The following SIRT1 variants were observed in gnomAD, a reference collection of about 807,000 sequenced individuals.
The protein encoded by SIRT1 is NAD-dependent protein deacetylase sirtuin-1.
Under a neutral mutation model 67.9 loss-of-function variants are expected in SIRT1, and 24 were observed. That is an observed-to-expected ratio of 0.35 (90% CI 0.26 to 0.50). SIRT1 has a LOEUF of 0.50. SIRT1 is among the 20% of genes least tolerant of loss of function. The pLI, the probability that SIRT1 is intolerant of heterozygous loss-of-function variation, is 0.98. For missense variants in SIRT1, 873 were observed against 937.2 expected (o/e 0.93, Z 0.89); for synonymous variants, 378 against 350.7 (o/e 1.08, Z -0.87).
In SIRT1 at chr10:67,916,350, C is replaced by T; in HGVS notation, c.2001C>T (p.Ser667=). 6.2e-7 allele frequency: 1 copy of T among 1,614,174 alleles called. No homozygotes were observed. Among genetic ancestry groups the T allele is most frequent in the Non-Finnish European group, 8.5e-7 (1 of 1,180,016 alleles). ...CAGACTCTGAAGATGACGTCTTATCCTCTAGTTCTTGTGGCAGTAACAGTG... is the reference window on the plus strand; with the variant it reads ...CAGACTCTGAAGATGACGTCTTATCTTCTAGTTCTTGTGGCAGTAACAGTG... ...VYSDSEDDVL[S]SSSCGSNSDS... is the part of the protein sequence containing the mutation. The change falls in exon 9 of 9, where the codon TCC becomes TCT. Residue 667 remains serine (S), a synonymous_variant. Coordinates refer to ENST00000212015, the MANE Select transcript of SIRT1 (RefSeq NM_012238.5).
intron 4 of SIRT1, among the ~76,000 whole-genome samples, chr10:67,895,741 TTTTTTTG>T (rs1232992325): frequency 0.027 from 2,497 of 91,760 alleles, 145 homozygotes; most frequent in African/African-American, 0.097. Flanking sequence ...TTGTTTTTTT[TTTTTTTG>T]TTTTTTTTTT....
In SIRT1 at chr10:67,892,970, G is replaced by A. The variant is rs142621644; in HGVS notation, c.942+1416G>A. ...GTATGTCTCACATTATGTACCTATT[G>A]TACAGCTCTGCTTTAGCATAGAAAG... On this transcript the variant is annotated intron_variant, in intron 4 of 8. Transcript: ENST00000212015. Among the ~76,000 whole-genome samples, 975 of 152,280 alleles carry A rather than the reference G, an allele frequency of 6.4e-3. 11 individuals are homozygous for A. Among genetic ancestry groups the A allele is most frequent in the African/African-American group, 0.022 (923 of 41,554 alleles).
At position 67,884,763 on chromosome 10, in the gene SIRT1, C is replaced by T. The variant is rs1163052650; in HGVS notation, c.42C>T (p.Ser14=). ...CCCTCGCCCTTCAGCCCGGCGGCTC[C>T]CCCTCGGCGGCGGGGGCCGACAGGG... ...EAALALQPGG[S]PSAAGADREA... is the part of the protein sequence containing the mutation. The change falls in exon 1 of 9, where the codon TCC becomes TCT. Residue 14 remains serine (S), a synonymous_variant. Transcript: ENST00000212015. The T allele has an allele frequency of 2.4e-6, 3 of 1,228,386 alleles. No individual in the cohort carries two copies. The Admixed American group carries it at 1.3e-4, about 52-fold the overall frequency. 76.1% of individuals were successfully genotyped at this position (1,228,386 alleles called of 1,614,324 possible). A position where few individuals can be genotyped will look rare whatever the true frequency, so the allele number is the denominator to read the frequency against.
At chr10:67,914,598 A>T (rs2029868951) in intron 8 of SIRT1, among the ~76,000 whole-genome samples, 1 of 152,248 alleles carries the variant, frequency 6.6e-6, no homozygotes, top group Admixed American at 6.5e-5. Flanking sequence ...CTACCTATGC[A>T]CTAAGACTTG....
intron 2 of SIRT1, 100 bp from the exon 3 acceptor site, chr10:67,888,780 TGC>T: frequency 1.5e-6 from 2 of 1,349,538 alleles, no homozygotes; most frequent in Non-Finnish European, 2.0e-6. Flanking sequence ...TTTCTTACTT[TGC>T]AAAAAACCCT....
intron 7 of SIRT1, among the ~76,000 whole-genome samples, chr10:67,910,006 C>T (rs908377373): frequency 6.6e-6 from 1 of 152,122 alleles, no homozygotes; most frequent in Non-Finnish European, 1.5e-5. Context: ...GCCTCCACAT[C>T]TGGCTGAACT....
At chr10:67,896,526 C>T (rs980698303) in intron 4 of SIRT1, among the ~76,000 whole-genome samples, 3 of 151,958 alleles carry the variant, frequency 2.0e-5, no homozygotes, top group Admixed American at 6.6e-5. Flanking sequence ...CCAGGTGCAG[C>T]GGCTCACACC....
intron 4 of SIRT1, among the ~76,000 whole-genome samples, chr10:67,900,418 T>G (rs1842723825): frequency 6.6e-6 from 1 of 152,142 alleles, no homozygotes; most frequent in Admixed American, 6.5e-5. Context: ...GTGCTGGGTT[T>G]ATAGGTGTGA....
At chr10:67,899,776 A>G (rs558526384) in intron 4 of SIRT1, among the ~76,000 whole-genome samples, 13 of 152,182 alleles carry the variant, frequency 8.5e-5, no homozygotes, top group African/African-American at 2.9e-4. Context: ...TTTTTAAGGC[A>G]GTTTAAAAAC....
At position 67,904,123 on chromosome 10, in the gene SIRT1, G is replaced by GTTTTTTTT. The variant is rs1262495636; in HGVS notation, c.943-2664_943-2663insTTTTTTTT. Reference sequence around the variant, plus strand: ...TATTTCAGATTTTTTAGTTTTTTTTGTTTGTTTTTTTTTTTTTTTTTTTTA... The same window carrying GTTTTTTTT: ...TATTTCAGATTTTTTAGTTTTTTTTGTTTTTTTTTTTGTTTTTTTTTTTTTTTTTTTTA... On this transcript the variant is annotated intron_variant, in intron 4 of 8. Coordinates refer to ENST00000212015, the MANE Select transcript of SIRT1 (RefSeq NM_012238.5). Among the ~76,000 whole-genome samples the GTTTTTTTT allele has an allele frequency of 3.4e-4, 39 of 115,384 alleles. 1 individual carries two copies. Among genetic ancestry groups the GTTTTTTTT allele is most frequent in the South Asian group, 5.5e-4 (2 of 3,636 alleles). 75.7% of individuals were successfully genotyped at this position (115,384 alleles called of 152,430 possible).
At chr10:67,886,769 C>G (rs1339774853) in intron 1 of SIRT1, among the ~76,000 whole-genome samples, 2 of 151,820 alleles carry the variant, frequency 1.3e-5, no homozygotes, top group East Asian at 3.9e-4. Flanking sequence ...ATTTGAATGA[C>G]GTTTTTATGT....
intron 1 of SIRT1, among the ~76,000 whole-genome samples, chr10:67,885,881 A>G (rs2131843590): frequency 6.6e-6 from 1 of 151,420 alleles, no homozygotes; most frequent in East Asian, 1.9e-4. Flanking sequence ...TGAGACACAA[A>G]CTTAACACTT....
Position 67,912,464 on chromosome 10 carries a change from C to T in SIRT1, c.1358-10C>T. ...CCTTTTTCTAACTCTTATTTTTCAC[C>T]CTATTTTAGGTTCCATACCCCATGA... On this transcript the variant is annotated splice_polypyrimidine_tract_variant and intron_variant, in intron 7 of 8. Coordinates refer to ENST00000212015, the MANE Select transcript of SIRT1 (RefSeq NM_012238.5). 6.4e-7 allele frequency: 1 copy of T among 1,574,022 alleles called. No homozygotes were observed. The highest frequency in any genetic ancestry group is 1.2e-5 in the South Asian group (1 of 84,376).
chr10:67,889,261 G>A (rs1293945102), intron 3 of SIRT1, 138 bp downstream of exon 3: 4 of 921,018 alleles, frequency 4.3e-6, no homozygotes, highest in South Asian at 2.0e-5. Flanking sequence ...ACTGAGTGCA[G>A]CAGCAGTTGC....
At chr10:67,915,348 A>G (rs1377721655) in intron 8 of SIRT1, among the ~76,000 whole-genome samples, 1 of 152,234 alleles carries the variant, frequency 6.6e-6, no homozygotes. Flanking sequence ...ATTCAAGGAT[A>G]GAAAACTTTT....
At position 67,884,775 on chromosome 10, in the gene SIRT1, G is replaced by T; in HGVS notation, c.54G>T (p.Ala18=). 2 of 1,227,408 alleles carry T rather than the reference G, an allele frequency of 1.6e-6. No homozygotes were observed. Among genetic ancestry groups the T allele is most frequent in the Non-Finnish European group, 2.0e-6 (2 of 985,118 alleles). 76.0% of individuals were successfully genotyped at this position (1,227,408 alleles called of 1,614,324 possible). The change falls in exon 1 of 9, where the codon GCG becomes GCT. Residue 18 remains alanine (A), a synonymous_variant. Transcript: ENST00000212015. ...AGCCCGGCGGCTCCCCCTCGGCGGCGGGGGCCGACAGGGAGGCCGCGTCGT... is the reference window on the plus strand; with the variant it reads ...AGCCCGGCGGCTCCCCCTCGGCGGCTGGGGCCGACAGGGAGGCCGCGTCGT... ...ALQPGGSPSA[A]GADREAASSP...
chr10:67,907,067 AC>A (rs2131880373), intron 5 of SIRT1, 130 bp downstream of exon 5: 2 of 822,928 alleles, frequency 2.4e-6, no homozygotes, highest in East Asian at 3.2e-5. Context: ...TTTATCGATA[AC>A]CTCAGAAAAG....
At chr10:67,891,278 T>C in intron 3 of SIRT1, 124 bp from the exon 4 acceptor site, 1 of 773,264 alleles carries the variant, frequency 1.3e-6, no homozygotes, top group Middle Eastern at 2.9e-4. Flanking sequence ...TTTTTATTTC[T>C]TAAAAGAAGT....
intron 3 of SIRT1, among the ~76,000 whole-genome samples, chr10:67,890,990 A>G (rs1808691578): frequency 6.7e-6 from 1 of 149,808 alleles, no homozygotes; most frequent in African/African-American, 2.5e-5. Flanking sequence ...AGATCGCACC[A>G]CTGCACTCCA....
Sources: allele counts gnomAD v4.1 joint callset (sites outside exome capture counted in the v4.1 genomes callset), GRCh38; gene constraint gnomAD v4.1.1; transcripts MANE v1.5; gene names NCBI Gene and HGNC (gene_info 2026-07-23, HGNC 2026-07-21).